LGSN: variants seen among roughly 807,000 people sequenced by gnomAD.
The protein encoded by LGSN is lengsin, lens protein with glutamine synthetase domain.
Under a neutral mutation model 19.5 loss-of-function variants are expected in LGSN, and 21 were observed. The observed-to-expected ratio is 1.07, with a 90% CI of 0.76 to 1.55. The LOEUF (loss-of-function observed/expected upper bound fraction) is 1.55. Ranked by LOEUF, LGSN falls within the 40% of genes most tolerant of loss-of-function variation. The pLI is 0.00. For missense variants in LGSN, 673 were observed against 608.5 expected, an observed-to-expected ratio of 1.11 and a Z score of -1.12; for synonymous variants, 257 against 215.6, an observed-to-expected ratio of 1.19 and a Z score of -1.68.
chr6:63,286,850 T>C (rs1043441164), intron 2 of LGSN, among the ~76,000 whole-genome samples: 6 of 152,216 alleles, frequency 3.9e-5, no homozygotes, highest in African/African-American at 1.4e-4. Context: ...ATGACCTACT[T>C]CATAGGCTTG....
At chr6:63,534,597 T>C in the LGSN span, among the ~76,000 whole-genome samples, 1 of 151,982 alleles carries the variant, frequency 6.6e-6, no homozygotes, top group Non-Finnish European at 1.5e-5. Context: ...AGAGAATTGC[T>C]TGAGCCCAAG....
chr6:63,352,003 A>AC, the LGSN span, among the ~76,000 whole-genome samples: 1 of 152,240 alleles, frequency 6.6e-6, no homozygotes, highest in Admixed American at 6.5e-5. Flanking sequence ...CCTCGTAGAT[A>AC]TGGTACTTAA....
At chr6:63,482,340 T>C in the LGSN span, among the ~76,000 whole-genome samples, 70,576 of 152,056 alleles carry the variant, frequency 0.46, 18,218 homozygotes, top group Non-Finnish European at 0.56. Flanking sequence ...TCAAGTCTTC[T>C]TTCCACTTGG....
At chr6:63,397,727 G>A in the LGSN span, among the ~76,000 whole-genome samples, 2 of 152,102 alleles carry the variant, frequency 1.3e-5, no homozygotes, top group Admixed American at 6.6e-5. Flanking sequence ...AGACCAACCT[G>A]GCCAACATGG....
chr6:63,471,392 G>A, the LGSN span, among the ~76,000 whole-genome samples: 3 of 152,086 alleles, frequency 2.0e-5, no homozygotes, highest in Non-Finnish European at 4.4e-5. Context: ...CAGGCCAGGA[G>A]CAGTGGCTCA....
At chr6:63,540,870 G>A in the LGSN span, among the ~76,000 whole-genome samples, 1 of 151,660 alleles carries the variant, frequency 6.6e-6, no homozygotes, top group East Asian at 1.9e-4. Flanking sequence ...GGTCTTGGTG[G>A]CGGTCACCTA....
chr6:63,451,492 A>G, the LGSN span, among the ~76,000 whole-genome samples: 72 of 152,348 alleles, frequency 4.7e-4, no homozygotes, highest in African/African-American at 1.6e-3. Context: ...ATGCAGGAAC[A>G]GAAAACCAAA....
chr6:63,560,300 T>C, the LGSN span, among the ~76,000 whole-genome samples: 1 of 137,170 alleles, frequency 7.3e-6, no homozygotes, highest in African/African-American at 2.8e-5. Context: ...ATCACGCCAT[T>C]GCACTCCAGC....
the LGSN span, among the ~76,000 whole-genome samples, chr6:63,535,376 C>T: frequency 4.6e-5 from 7 of 151,610 alleles, no homozygotes; most frequent in Admixed American, 3.3e-4. Context: ...GCCTGAGGCA[C>T]GAGAATCACT....
At chr6:63,333,534 A>G in the LGSN span, among the ~76,000 whole-genome samples, 1 of 147,002 alleles carries the variant, frequency 6.8e-6, no homozygotes, top group Non-Finnish European at 1.5e-5. Flanking sequence ...AAAGAATGAA[A>G]GAACGAAAGA....
chr6:63,321,779 A>G (rs532021362), upstream of LGSN, among the ~76,000 whole-genome samples: 4 of 152,346 alleles, frequency 2.6e-5, no homozygotes, highest in African/African-American at 7.2e-5. Context: ...TAAATGGTCA[A>G]TAAGTCCATA....
chr6:63,282,066 A>C (rs1451043023), intron 3 of LGSN, among the ~76,000 whole-genome samples: 1 of 152,200 alleles, frequency 6.6e-6, no homozygotes, highest in African/African-American at 2.4e-5. Flanking sequence ...CTGCTAAGGT[A>C]CTTTCTAGCC....
the LGSN span, among the ~76,000 whole-genome samples, chr6:63,484,730 G>A: frequency 0.017 from 2,549 of 152,292 alleles, 228 homozygotes; most frequent in Admixed American, 0.14. Context: ...GATTTACCAC[G>A]CAAGAGAATA....
the LGSN span, among the ~76,000 whole-genome samples, chr6:63,406,017 A>C: frequency 6.6e-5 from 10 of 152,236 alleles, no homozygotes; most frequent in African/African-American, 2.4e-4. Context: ...GAGCACCCAG[A>C]TTCATAAAGC....
the LGSN span, among the ~76,000 whole-genome samples, chr6:63,381,254 C>G: frequency 1.3e-5 from 2 of 152,150 alleles, no homozygotes; most frequent in Admixed American, 1.3e-4. Context: ...CCAAATAAAA[C>G]ATATGGATGT....
At chr6:63,497,499 G>A in the LGSN span, among the ~76,000 whole-genome samples, 2 of 152,134 alleles carry the variant, frequency 1.3e-5, no homozygotes, top group African/African-American at 4.8e-5. Flanking sequence ...GTTGCAGTGA[G>A]CCGAGATCAT....
At chr6:63,561,597 G>A in the LGSN span, among the ~76,000 whole-genome samples, 1 of 152,008 alleles carries the variant, frequency 6.6e-6, no homozygotes, top group African/African-American at 2.4e-5. Flanking sequence ...ACATTCCAGG[G>A]CACTTACAAT....
the LGSN span, among the ~76,000 whole-genome samples, chr6:63,352,897 T>C: frequency 6.6e-6 from 1 of 151,238 alleles, no homozygotes; most frequent in Non-Finnish European, 1.5e-5. Flanking sequence ...ATTACTGGAG[T>C]TCACAGAAGT....
At chr6:63,506,561 C>G in the LGSN span, among the ~76,000 whole-genome samples, 1 of 152,202 alleles carries the variant, frequency 6.6e-6, no homozygotes, top group African/African-American at 2.4e-5. Flanking sequence ...CTGTGCCCAG[C>G]TCTTCTTGTT....
Sources: gnomAD v4.1 joint callset for allele counts (sites outside exome capture counted in the v4.1 genomes callset) on GRCh38, gnomAD v4.1.1 for gene constraint, MANE v1.5 for transcripts, NCBI Gene and HGNC (gene_info 2026-07-23, HGNC 2026-07-21) for gene names.